FNDC1: variants seen among roughly 807,000 people sequenced by gnomAD.
FNDC1 encodes fibronectin type III domain-containing protein 1.
Under a neutral mutation model 168.0 loss-of-function variants are expected in FNDC1, and 96 were observed. The observed-to-expected ratio is 0.57, with a 90% confidence interval of 0.48 to 0.68. The LOEUF (loss-of-function observed/expected upper bound fraction) is 0.68. Among genes scored for constraint, FNDC1 ranks in the 30% least tolerant of loss-of-function variants. The probability of loss-of-function intolerance (pLI) is 0.00; values close to 1 mark genes in which losing one functional copy is unlikely to be tolerated. For synonymous variants in FNDC1, 1,099 were observed against 1,025.9 expected, an observed-to-expected ratio of 1.07 and a Z score of -1.36; for missense variants, 2,587 against 2,482.1, an observed-to-expected ratio of 1.04 and a Z score of -0.90.
chr6:159,262,831 A>G (rs963712099), intron 19 of FNDC1, among the ~76,000 whole-genome samples: 1 of 152,216 alleles, frequency 6.6e-6, no homozygotes, highest in African/African-American at 2.4e-5. Flanking sequence ...TCTCCAGGAA[A>G]CACTTTCAAT....
chr6:159,198,557 C>T (rs1002774330), intron 2 of FNDC1, among the ~76,000 whole-genome samples: 3 of 152,180 alleles, frequency 2.0e-5, no homozygotes, highest in Non-Finnish European at 4.4e-5. Flanking sequence ...ATCTCTTCCA[C>T]GTCACCTTGG....
chr6:159,258,127 G>C (rs1048518923), intron 18 of FNDC1, among the ~76,000 whole-genome samples: 1 of 152,140 alleles, frequency 6.6e-6, no homozygotes, highest in African/African-American at 2.4e-5. Flanking sequence ...TATGTAGGGC[G>C]ATGGTTTACT....
At chr6:159,203,016 G>A (rs1449960985) in intron 4 of FNDC1, among the ~76,000 whole-genome samples, 5 of 152,148 alleles carry the variant, frequency 3.3e-5, no homozygotes, top group Non-Finnish European at 7.3e-5. Context: ...CTTGTAGATG[G>A]TCACCTTTTT....
In FNDC1 at chr6:159,271,440, T is replaced by C. The variant is rs1272898190; in HGVS notation, c.5683T>C (p.Ter1895GlnextTer20). 3 of 1,603,182 alleles carry C rather than the reference T, an allele frequency of 1.9e-6. No homozygotes were observed. Among genetic ancestry groups the C allele is most frequent in the Non-Finnish European group, 2.6e-6 (3 of 1,173,682 alleles). The change falls in exon 23 of 23, where the codon TAA (stop) becomes CAA (glutamine). Residue 1895 changes from the stop codon to glutamine, a stop_lost. Transcript: ENST00000297267. Reference sequence around the variant, plus strand: ...TGGGGTCTCCATCCCTGGAAAGTGGTAATCACAGGACCGTCATGCTGCAAG... The same window carrying C: ...TGGGGTCTCCATCCCTGGAAAGTGGCAATCACAGGACCGTCATGCTGCAAG... ...ECGVSIPGKW[*>Q]
rs555706864 is a variant in FNDC1, at chr6:159,233,539, C to A, written c.3027C>A (p.Pro1009=). 6.3e-7 allele frequency: 1 copy of A among 1,595,062 alleles called. No homozygotes were observed. Among genetic ancestry groups the A allele is most frequent in the Non-Finnish European group, 8.5e-7 (1 of 1,174,314 alleles). ...GRAPQQQPPP[P]VATSQHHPGP... is the part of the protein sequence containing the mutation. ...CCCCACAACAGCAGCCCCCTCCTCC[C>A]GTCGCCACGTCCCAGCACCACCCGG... The change falls in exon 11 of 23, where the codon CCC becomes CCA. Residue 1009 remains proline, a synonymous_variant. Transcript: ENST00000297267. This position sits in a 1 kb window ranked among gnomAD's most constrained non-coding sequence, Gnocchi z 4.6.
intron 1 of FNDC1, among the ~76,000 whole-genome samples, chr6:159,180,808 G>A (rs1178978130): frequency 6.6e-6 from 1 of 152,122 alleles, no homozygotes; most frequent in Admixed American, 6.5e-5. Flanking sequence ...TAAAGGACAT[G>A]ATCTCATTCC....
chr6:159,184,091 C>G (rs1017004431), intron 1 of FNDC1, among the ~76,000 whole-genome samples: 2 of 152,236 alleles, frequency 1.3e-5, no homozygotes, highest in Admixed American at 6.5e-5. Flanking sequence ...TCACTTAACT[C>G]TCTGTGACTC....
intron 18 of FNDC1, among the ~76,000 whole-genome samples, chr6:159,256,847 A>G (rs1022282959): frequency 2.0e-5 from 3 of 152,212 alleles, no homozygotes. Context: ...TACTGTGCTT[A>G]TATTTTCCTC....
intron 4 of FNDC1, among the ~76,000 whole-genome samples, chr6:159,207,111 C>A (rs1331336167): frequency 1.3e-5 from 2 of 152,116 alleles, no homozygotes; most frequent in Non-Finnish European, 2.9e-5. Flanking sequence ...ACCCCCCCAC[C>A]CCAGCAGAAA....
intron 9 of FNDC1, among the ~76,000 whole-genome samples, 175 bp from the exon 10 acceptor site, chr6:159,229,640 A>C (rs1234541404): frequency 6.6e-6 from 1 of 152,194 alleles, no homozygotes; most frequent in African/African-American, 2.4e-5. Flanking sequence ...TGCCCGAATG[A>C]ATGTGAGTTC....
Position 159,225,596 on chromosome 6 carries a change from G to A in FNDC1, c.946G>A (p.Ala316Thr), listed in dbSNP as rs891170487. ...ELARWDYKQI[A>T]NRRVLIENLI... ...GGCCAGGTGGGATTATAAGCAGATC[G>A]CTAACAGGCGTGTGCTGATTGAGAA... The change falls in exon 8 of 23, where the codon GCT becomes ACT. Residue 316 changes from alanine (A) to threonine (T), a missense_variant. Physicochemically the swap from Ala to Thr is moderately conservative, Grantham distance 58. Coordinates refer to ENST00000297267, the MANE Select transcript of FNDC1 (RefSeq NM_032532.3). 3 of 1,613,902 alleles carry A rather than the reference G, an allele frequency of 1.9e-6. No homozygotes were observed. The highest frequency in any genetic ancestry group is 2.5e-6 in the Non-Finnish European group (3 of 1,179,862).
intron 4 of FNDC1, among the ~76,000 whole-genome samples, chr6:159,209,657 G>A (rs1460604898): frequency 6.6e-6 from 1 of 152,206 alleles, no homozygotes; most frequent in African/African-American, 2.4e-5. Context: ...AACTGAAGGT[G>A]GTGATGTTGT....
At chr6:159,190,941 G>A (rs1782124843) in intron 1 of FNDC1, among the ~76,000 whole-genome samples, 1 of 152,178 alleles carries the variant, frequency 6.6e-6, no homozygotes, top group East Asian at 1.9e-4. Flanking sequence ...CTGAGACTGG[G>A]TAATTTATGA....
intron 4 of FNDC1, among the ~76,000 whole-genome samples, chr6:159,205,260 C>G (rs775819861): frequency 6.6e-6 from 1 of 152,202 alleles, no homozygotes; most frequent in African/African-American, 2.4e-5. Context: ...ATCTAGCACT[C>G]TTTTCATGGG....
chr6:159,198,291 G>A (rs1032182074), intron 2 of FNDC1, among the ~76,000 whole-genome samples: 4 of 152,162 alleles, frequency 2.6e-5, no homozygotes, highest in Non-Finnish European at 5.9e-5. Flanking sequence ...CATTAAGATG[G>A]ATCATAAGGA....
intron 4 of FNDC1, among the ~76,000 whole-genome samples, chr6:159,202,894 C>T (rs1782408165): frequency 6.6e-6 from 1 of 152,166 alleles, no homozygotes; most frequent in African/African-American, 2.4e-5. Flanking sequence ...TAACAAAATG[C>T]CACAGACTGG....
In FNDC1 at chr6:159,261,235, T is replaced by G. The variant is rs757246122; in HGVS notation, c.5220T>G (p.Pro1740=). 1.2e-6 allele frequency: 2 copies of G among 1,613,326 alleles called. No individual in the cohort carries two copies. The highest frequency in any genetic ancestry group is 1.7e-6 in the Non-Finnish European group (2 of 1,179,594). ...VQAQNPHGYG[P]ISPSVSFVTE... Reference sequence around the variant, plus strand: ...CACAAAATCCTCATGGCTACGGACCTATCAGCCCTTCGGTCTCATTTGTCA... The same window carrying G: ...CACAAAATCCTCATGGCTACGGACCGATCAGCCCTTCGGTCTCATTTGTCA... Residue 1740 remains proline, a synonymous_variant, in exon 19 of 23, where the codon CCT becomes CCG. Transcript: ENST00000297267.
chr6:159,181,312 C>T (rs965994371), intron 1 of FNDC1, among the ~76,000 whole-genome samples: 5 of 152,138 alleles, frequency 3.3e-5, no homozygotes, highest in Admixed American at 2.6e-4. Context: ...AGGGATAAGC[C>T]CCTGAGATGC....
At chr6:159,238,532 T>A in intron 12 of FNDC1, 22 bp from the exon 13 acceptor site, 1 of 1,535,082 alleles carries the variant, frequency 6.5e-7, no homozygotes, top group Non-Finnish European at 8.9e-7. Context: ...AATATATTCT[T>A]TAATCTATGT....
Sources: gnomAD v4.1 joint callset for allele counts (sites outside exome capture counted in the v4.1 genomes callset) on GRCh38, gnomAD v4.1.1 for gene constraint, Gnocchi (gnomAD v3.1) non-coding constraint, MANE v1.5 for transcripts, NCBI Gene and HGNC (gene_info 2026-07-23, HGNC 2026-07-21) for gene names.